Variants in SEMA3C observed in about 807,000 individuals in gnomAD.
The protein encoded by SEMA3C is semaphorin-3C.
A neutral mutation model predicts 89.4 loss-of-function variants in SEMA3C; 47 were observed. The ratio of observed to expected loss-of-function variants is 0.53; its 90% CI spans 0.42 to 0.67. SEMA3C has a LOEUF of 0.67. Among genes scored for constraint, SEMA3C ranks in the 30% least tolerant of loss-of-function variants. The pLI is 0.00. For synonymous variants in SEMA3C, 310 were observed against 320.2 expected, an observed-to-expected ratio of 0.97 and a Z score of 0.34; for missense variants, 839 against 929.1, an observed-to-expected ratio of 0.90 and a Z score of 1.26.
At chr7:80,846,596 G>T (rs879047980) in intron 2 of SEMA3C, among the ~76,000 whole-genome samples, 2 of 152,096 alleles carry the variant, frequency 1.3e-5, no homozygotes, top group African/African-American at 4.8e-5. Context: ...CTCCCAAAGT[G>T]CTGAGATTAC....
At chr7:80,899,443 T>C (rs542828011) in intron 2 of SEMA3C, among the ~76,000 whole-genome samples, 14 of 152,338 alleles carry the variant, frequency 9.2e-5, no homozygotes, top group Admixed American at 8.5e-4. Context: ...TAGAAAGATA[T>C]GATATACACC....
intron 11 of SEMA3C, among the ~76,000 whole-genome samples, chr7:80,797,607 T>C (rs1209439212): frequency 1.3e-5 from 2 of 152,238 alleles, no homozygotes; most frequent in Admixed American, 6.5e-5. Flanking sequence ...CTATGAGATA[T>C]ATGTAACACA....
chr7:80,911,703 G>A (rs1013373692), intron 2 of SEMA3C, among the ~76,000 whole-genome samples: 1 of 150,642 alleles, frequency 6.6e-6, no homozygotes, highest in African/African-American at 2.5e-5. Context: ...GCACGACCTC[G>A]ACTCACTGCA....
intron 12 of SEMA3C, among the ~76,000 whole-genome samples, chr7:80,776,061 G>C (rs1745626821): frequency 1.3e-5 from 2 of 151,952 alleles, no homozygotes; most frequent in Admixed American, 6.6e-5. Context: ...ACTAAATCAG[G>C]ATACCACTAT....
intron 2 of SEMA3C, among the ~76,000 whole-genome samples, chr7:80,909,207 T>A (rs1211172748): frequency 6.6e-6 from 1 of 152,190 alleles, no homozygotes; most frequent in African/African-American, 2.4e-5. Context: ...TAAAATAATT[T>A]AGAAGTTGCT....
chr7:80,814,570 G>T (rs1000518082), intron 5 of SEMA3C, among the ~76,000 whole-genome samples: 2 of 151,872 alleles, frequency 1.3e-5, no homozygotes, highest in Non-Finnish European at 2.9e-5. Context: ...ACTCACACGT[G>T]TATATACTCA....
At chr7:80,826,837 T>C (rs1331201436) in intron 4 of SEMA3C, among the ~76,000 whole-genome samples, 2 of 152,196 alleles carry the variant, frequency 1.3e-5, no homozygotes, top group African/African-American at 4.8e-5. Context: ...AAGTCATTTG[T>C]AGAAATCAAT....
At chr7:80,825,864 C>T (rs916601294) in intron 4 of SEMA3C, among the ~76,000 whole-genome samples, 2 of 152,122 alleles carry the variant, frequency 1.3e-5, no homozygotes, top group African/African-American at 4.8e-5. Context: ...TCATTCTCTG[C>T]AACATTATAC....
chr7:80,824,642 A>G (rs9641930), intron 4 of SEMA3C, among the ~76,000 whole-genome samples: 4,015 of 152,258 alleles, frequency 0.026, 114 homozygotes, highest in Admixed American at 0.075. Context: ...GTCCCTTAGC[A>G]TTTATCATTT....
intron 12 of SEMA3C, among the ~76,000 whole-genome samples, chr7:80,787,082 C>T (rs966929049): frequency 7.9e-5 from 12 of 152,096 alleles, no homozygotes; most frequent in Non-Finnish European, 8.8e-5. Flanking sequence ...ATGAGATGGA[C>T]ATGGAGTATC....
chr7:80,766,061 G>C (rs769268348), intron 12 of SEMA3C, among the ~76,000 whole-genome samples: 4 of 152,174 alleles, frequency 2.6e-5, no homozygotes, highest in African/African-American at 4.8e-5. Flanking sequence ...CATTTGGTCT[G>C]TAACTGTGAT....
intron 2 of SEMA3C, among the ~76,000 whole-genome samples, chr7:80,892,668 T>G (rs1433787056): frequency 6.6e-6 from 1 of 152,182 alleles, no homozygotes; most frequent in Admixed American, 6.6e-5. Context: ...AATAGATTCC[T>G]TAAATAAGAC....
intron 2 of SEMA3C, among the ~76,000 whole-genome samples, chr7:80,891,841 C>T (rs1278336125): frequency 6.6e-6 from 1 of 151,944 alleles, no homozygotes; most frequent in Admixed American, 6.6e-5. Context: ...ATTGTTTTTC[C>T]ATGCTAAGCA....
intron 2 of SEMA3C, among the ~76,000 whole-genome samples, chr7:80,865,935 A>G (rs994327529): frequency 3.9e-5 from 6 of 152,190 alleles, no homozygotes; most frequent in African/African-American, 1.4e-4. Context: ...AATTCCTTAC[A>G]TTATAGTTAA....
chr7:80,855,839 T>C (rs943994603), intron 2 of SEMA3C, among the ~76,000 whole-genome samples: 7 of 152,164 alleles, frequency 4.6e-5, no homozygotes, highest in African/African-American at 1.7e-4. Flanking sequence ...GGGAGTTAAC[T>C]TTTTTGCTTG....
At chr7:80,771,516 C>T (rs1788433258) in intron 12 of SEMA3C, among the ~76,000 whole-genome samples, 1 of 152,136 alleles carries the variant, frequency 6.6e-6, no homozygotes, top group Admixed American at 6.6e-5. Context: ...TAAGGGAGCA[C>T]AGCAATTATC....
Position 80,744,514 on chromosome 7 carries a change from T to A in SEMA3C, c.*380A>T, listed in dbSNP as rs1481942269. The A allele has an allele frequency of 5.0e-6, 1 of 199,488 alleles. No individual in the cohort carries two copies. The highest frequency in any genetic ancestry group is 1.0e-5 in the Non-Finnish European group (1 of 99,518). The allele number at this position is 199,488 out of a possible 1,614,324, so 12.4% of individuals were successfully genotyped here. ...TTGGAACTTGTTTTCATATACAAAA[T>A]CACTGACAATTAGAATTCTAAAGCC... On this transcript the variant is annotated 3_prime_UTR_variant, in exon 18 of 18. Coordinates refer to ENST00000265361, the MANE Select transcript of SEMA3C (RefSeq NM_006379.5).
rs1465271477 is a variant in SEMA3C, at chr7:80,804,343, T to C, written c.659-95A>G. On this transcript the variant is annotated intron_variant, in intron 7 of 17. Transcript: ENST00000265361. ...CACAGGCAGATGCCTTCCCCATCTT[T>C]GGTAGAAAAAAACAATTCAACATTT... 4.9e-6 allele frequency: 4 copies of C among 819,260 alleles called. No homozygotes were observed. In the East Asian group the frequency reaches 1.2e-4, roughly 25 times the overall value. 50.7% of individuals were successfully genotyped at this position (819,260 alleles called of 1,614,324 possible).
At chr7:80,836,858 A>G (rs1054236798) in intron 2 of SEMA3C, among the ~76,000 whole-genome samples, 6 of 152,170 alleles carry the variant, frequency 3.9e-5, no homozygotes, top group Non-Finnish European at 7.4e-5. Context: ...TTTCCCCAGC[A>G]TAATTATCAC....
Sources: gnomAD v4.1 joint callset for allele counts (sites outside exome capture counted in the v4.1 genomes callset) on GRCh38, gnomAD v4.1.1 for gene constraint, MANE v1.5 for transcripts, NCBI Gene and HGNC (gene_info 2026-07-23, HGNC 2026-07-21) for gene names.